RBFOX1: variants seen among roughly 807,000 people sequenced by gnomAD.
RBFOX1 encodes the protein RNA binding protein fox-1 homolog 1.
Under a neutral mutation model 57.7 loss-of-function variants are expected in RBFOX1, and 8 were observed. That is an observed-to-expected ratio of 0.14 (90% confidence interval 0.08 to 0.25). The LOEUF is 0.25. Ranked by LOEUF, RBFOX1 falls within the 10% of genes least tolerant of loss-of-function variation. The pLI, the probability that RBFOX1 is intolerant of heterozygous loss-of-function variation, is 1.00. For synonymous variants in RBFOX1, 326 were observed against 222.4 expected (o/e 1.47, Z -4.15); for missense variants, 611 against 548.5 (o/e 1.11, Z -1.14).
chr16:5,660,913 C>T (rs4786053), intron 3 of RBFOX1, among the ~76,000 whole-genome samples: 1 of 152,060 alleles, frequency 6.6e-6, no homozygotes, highest in Non-Finnish European at 1.5e-5. Flanking sequence ...GATGAATTGC[C>T]TCCAACCCAG....
intron 1 of RBFOX1, among the ~76,000 whole-genome samples, chr16:5,344,434 C>A (rs924668398): frequency 3.3e-5 from 5 of 152,180 alleles, no homozygotes; most frequent in African/African-American, 1.2e-4. Context: ...ATGGCACACT[C>A]AATTGAATTA....
chr16:5,447,517 C>T (rs1034828980), intron 1 of RBFOX1, among the ~76,000 whole-genome samples: 2 of 152,232 alleles, frequency 1.3e-5, no homozygotes, highest in South Asian at 4.2e-4. Context: ...CCTGCCTCAG[C>T]CTCCCGAATA....
intron 1 of RBFOX1, among the ~76,000 whole-genome samples, chr16:5,342,327 G>A (rs1386549350): frequency 1.3e-5 from 2 of 152,176 alleles, no homozygotes; most frequent in Non-Finnish European, 2.9e-5. Flanking sequence ...AGGGGACTCT[G>A]TTAGAGGCAA....
chr16:5,410,197 C>G (rs868446695), intron 1 of RBFOX1, among the ~76,000 whole-genome samples: 2 of 151,330 alleles, frequency 1.3e-5, no homozygotes, highest in Non-Finnish European at 2.9e-5. Context: ...GACACTGTCT[C>G]TACAAAAGAA....
chr16:7,340,114 C>T (rs905942795), intron 4 of RBFOX1, among the ~76,000 whole-genome samples: 1 of 152,212 alleles, frequency 6.6e-6, no homozygotes, highest in Non-Finnish European at 1.5e-5. Flanking sequence ...ACTTTAGAGC[C>T]AGAGGGCAGG....
chr16:5,961,669 G>A (rs2059752596), intron 4 of RBFOX1, among the ~76,000 whole-genome samples: 1 of 152,034 alleles, frequency 6.6e-6, no homozygotes, highest in Admixed American at 6.6e-5. Flanking sequence ...ACAGGCATGT[G>A]CCACCATGGC....
intron 3 of RBFOX1, among the ~76,000 whole-genome samples, chr16:7,036,169 G>A (rs534218754): frequency 6.6e-6 from 1 of 151,248 alleles, no homozygotes; most frequent in Non-Finnish European, 1.5e-5. Flanking sequence ...CTTGTCTGGA[G>A]AATTGGTCCC....
intron 14 of RBFOX1, among the ~76,000 whole-genome samples, chr16:7,706,428 G>T (rs905417791): frequency 6.6e-6 from 1 of 152,172 alleles, no homozygotes; most frequent in Admixed American, 6.5e-5. Flanking sequence ...CACAAAGGTT[G>T]AAACTATGCC....
At chr16:6,378,125 A>G (rs367680926) in intron 2 of RBFOX1, among the ~76,000 whole-genome samples, 24 of 152,324 alleles carry the variant, frequency 1.6e-4, no homozygotes, top group South Asian at 4.1e-4. Flanking sequence ...ATTTATCAAG[A>G]CCAGGCTGGA....
chr16:6,010,783 A>G (rs1278240247), intron 4 of RBFOX1, among the ~76,000 whole-genome samples: 1 of 152,212 alleles, frequency 6.6e-6, no homozygotes. Context: ...CATTTTATCC[A>G]TTTATTTATA....
intron 3 of RBFOX1, among the ~76,000 whole-genome samples, chr16:5,738,037 G>A (rs915673360): frequency 6.7e-6 from 1 of 148,934 alleles, no homozygotes; most frequent in African/African-American, 2.5e-5. Context: ...ACCAGTGTGT[G>A]ATGTTCCCCT....
chr16:5,951,724 C>G (rs186522040), intron 4 of RBFOX1, among the ~76,000 whole-genome samples: 10 of 152,190 alleles, frequency 6.6e-5, no homozygotes, highest in African/African-American at 2.2e-4. Flanking sequence ...CCTTGTATTT[C>G]CATCCTTCTC....
chr16:5,413,611 C>A (rs1375265256), intron 1 of RBFOX1, among the ~76,000 whole-genome samples: 1 of 152,118 alleles, frequency 6.6e-6, no homozygotes, highest in African/African-American at 2.4e-5. Context: ...CAGTGCCTGT[C>A]TAGGGCATTT....
At chr16:5,924,100 C>G (rs918652430) in intron 4 of RBFOX1, among the ~76,000 whole-genome samples, 7 of 151,964 alleles carry the variant, frequency 4.6e-5, no homozygotes, top group Non-Finnish European at 1.0e-4. Flanking sequence ...CTGGTAGTTC[C>G]CCTCCTTGCA....
chr16:5,949,996 C>T (rs1203046941), intron 4 of RBFOX1, among the ~76,000 whole-genome samples: 1 of 152,180 alleles, frequency 6.6e-6, no homozygotes, highest in Non-Finnish European at 1.5e-5. Context: ...TTGATGTGGC[C>T]ATCATTCAGC....
chr16:7,661,264 A>C (rs981061309), intron 12 of RBFOX1, among the ~76,000 whole-genome samples: 1 of 152,178 alleles, frequency 6.6e-6, no homozygotes, highest in Non-Finnish European at 1.5e-5. Context: ...GCACTTTGAA[A>C]ACAAGTAATC....
At chr16:7,703,608 G>C (rs576979719) in intron 14 of RBFOX1, among the ~76,000 whole-genome samples, 1 of 152,264 alleles carries the variant, frequency 6.6e-6, no homozygotes, top group Admixed American at 6.5e-5. Flanking sequence ...CCCTGGTGTG[G>C]AGTACCAACA....
chr16:7,157,878 CT>C (rs1295395114), intron 4 of RBFOX1, among the ~76,000 whole-genome samples: 5 of 152,210 alleles, frequency 3.3e-5, no homozygotes, highest in Non-Finnish European at 7.3e-5. Flanking sequence ...TTCAGCTTCT[CT>C]GTTCACTTTG....
chr16:6,197,290 T>C (rs1305927556), intron 1 of RBFOX1, among the ~76,000 whole-genome samples: 1 of 152,104 alleles, frequency 6.6e-6, no homozygotes, highest in African/African-American at 2.4e-5. Flanking sequence ...TTTCCAAGCT[T>C]GAGACTCATA....
Sources: allele counts gnomAD v4.1 joint callset (sites outside exome capture counted in the v4.1 genomes callset), GRCh38; gene constraint gnomAD v4.1.1; transcripts MANE v1.5; gene names NCBI Gene and HGNC (gene_info 2026-07-23, HGNC 2026-07-21).